Variants in FRMD4B observed in about 807,000 individuals in gnomAD.
FRMD4B encodes FERM domain-containing protein 4B.
A neutral mutation model predicts 141.5 loss-of-function variants in FRMD4B; 74 were observed. The ratio of observed to expected loss-of-function variants is 0.52; its 90% CI spans 0.43 to 0.63. FRMD4B has a LOEUF of 0.63. Ranked by LOEUF, FRMD4B falls within the 30% of genes least tolerant of loss-of-function variation. The pLI is 0.00. For missense variants in FRMD4B, 1,366 were observed against 1,253.4 expected (o/e 1.09, Z -1.36); for synonymous variants, 506 against 467.9 (o/e 1.08, Z -1.05).
chr3:69,514,876 A>G (rs1157220375), intron 1 of FRMD4B, among the ~76,000 whole-genome samples: 1 of 152,182 alleles, frequency 6.6e-6, no homozygotes, highest in Non-Finnish European at 1.5e-5. Flanking sequence ...TAAAATTCCT[A>G]TGGATTCTCA....
intron 11 of FRMD4B, among the ~76,000 whole-genome samples, chr3:69,206,340 A>G (rs2093024304): frequency 6.6e-6 from 1 of 152,102 alleles, no homozygotes; most frequent in Non-Finnish European, 1.5e-5. Context: ...ACAGAGTGAC[A>G]CTCCATCTCA....
chr3:69,380,920 T>C (rs1305428830), intron 1 of FRMD4B, among the ~76,000 whole-genome samples: 2 of 152,230 alleles, frequency 1.3e-5, no homozygotes, highest in African/African-American at 4.8e-5. Context: ...TTTTTTTCTG[T>C]AATATTCTGT....
chr3:69,364,866 G>GTTAT (rs1559831234), intron 1 of FRMD4B, among the ~76,000 whole-genome samples: 2 of 94,618 alleles, frequency 2.1e-5, no homozygotes, highest in Non-Finnish European at 4.1e-5. Context: ...TTTCTCACTT[G>GTTAT]TTTTTTTAAA....
At chr3:69,222,683 A>T (rs2093208094) in intron 8 of FRMD4B, among the ~76,000 whole-genome samples, 2 of 152,158 alleles carry the variant, frequency 1.3e-5, no homozygotes, top group Non-Finnish European at 2.9e-5. Flanking sequence ...AGGCACGAGT[A>T]TCACTTGAAC....
At chr3:69,364,615 G>A (rs1045726549) in intron 1 of FRMD4B, among the ~76,000 whole-genome samples, 2 of 152,114 alleles carry the variant, frequency 1.3e-5, no homozygotes, top group African/African-American at 4.8e-5. Flanking sequence ...GGCATTAATG[G>A]GATCAGCAGT....
At chr3:69,307,226 A>T (rs1701425893) in intron 3 of FRMD4B, among the ~76,000 whole-genome samples, 1 of 152,110 alleles carries the variant, frequency 6.6e-6, no homozygotes, top group South Asian at 2.1e-4. Context: ...GAACCAAAGG[A>T]GGTAACTGGG....
chr3:69,409,246 C>T (rs1430582242), intron 2 of FRMD4B, among the ~76,000 whole-genome samples: 1 of 152,190 alleles, frequency 6.6e-6, no homozygotes, highest in Non-Finnish European at 1.5e-5. Context: ...AGTCTTTACC[C>T]TAGAGCTAGA....
At chr3:69,251,083 G>A (rs749020168) in intron 5 of FRMD4B, among the ~76,000 whole-genome samples, 1 of 152,144 alleles carries the variant, frequency 6.6e-6, no homozygotes, top group Non-Finnish European at 1.5e-5. Context: ...ACAATGAATG[G>A]TATAGAGGTA....
chr3:69,506,848 CT>C (rs1706604787), intron 1 of FRMD4B, among the ~76,000 whole-genome samples: 1 of 152,124 alleles, frequency 6.6e-6, no homozygotes, highest in Non-Finnish European at 1.5e-5. Flanking sequence ...TGGCATCCTA[CT>C]GTTAAATTCC....
chr3:69,424,280 A>G (rs1705036286), intron 2 of FRMD4B, among the ~76,000 whole-genome samples: 1 of 152,164 alleles, frequency 6.6e-6, no homozygotes. Context: ...ACTACCTCAA[A>G]TAATGAGAAC....
intron 21 of FRMD4B, among the ~76,000 whole-genome samples, chr3:69,179,130 C>T (rs566194383): frequency 6.6e-6 from 1 of 152,144 alleles, no homozygotes; most frequent in South Asian, 2.1e-4. Context: ...CTGATTCCAC[C>T]CCTGTAGTTC....
At chr3:69,331,980 C>T (rs76236314) in intron 1 of FRMD4B, among the ~76,000 whole-genome samples, 2,561 of 152,138 alleles carry the variant, frequency 0.017, 76 homozygotes, top group African/African-American at 0.059. Flanking sequence ...CCCAGCCACT[C>T]GGGATGCTGA....
chr3:69,469,525 T>C (rs1194630320), intron 1 of FRMD4B, among the ~76,000 whole-genome samples: 1 of 152,228 alleles, frequency 6.6e-6, no homozygotes, highest in Admixed American at 6.5e-5. Context: ...TTTATTACCT[T>C]GTGTATGTGA....
At chr3:69,299,332 C>T (rs998226766) in intron 4 of FRMD4B, among the ~76,000 whole-genome samples, 4 of 152,200 alleles carry the variant, frequency 2.6e-5, no homozygotes, top group African/African-American at 9.7e-5. Context: ...TACAGAAGGA[C>T]ACTCATTCCC....
chr3:69,411,372 CA>C (rs1374173446), intron 2 of FRMD4B, among the ~76,000 whole-genome samples: 1 of 152,112 alleles, frequency 6.6e-6, no homozygotes, highest in African/African-American at 2.4e-5. Flanking sequence ...TACAATTAAC[CA>C]CCCACACTTC....
At chr3:69,179,379 T>C (rs961394302) in intron 21 of FRMD4B, among the ~76,000 whole-genome samples, 3 of 152,200 alleles carry the variant, frequency 2.0e-5, no homozygotes, top group African/African-American at 7.2e-5. Flanking sequence ...TGTAGTACTC[T>C]GTCTGTTCTG....
chr3:69,211,023 GAAAAA>G (rs541259572), intron 11 of FRMD4B, among the ~76,000 whole-genome samples: 2 of 85,838 alleles, frequency 2.3e-5, no homozygotes, highest in African/African-American at 9.2e-5. Context: ...ATGCCATCTC[GAAAAA>G]AAAAAAAAAA....
chr3:69,200,690 T>C, intron 11 of FRMD4B: 1 of 1,271,062 alleles, frequency 7.9e-7, no homozygotes, highest in South Asian at 1.3e-5. Flanking sequence ...AAAGAGACCT[T>C]TCTAAAATGG....
intron 7 of FRMD4B, among the ~76,000 whole-genome samples, chr3:69,233,974 T>C (rs1344546452): frequency 6.6e-6 from 1 of 152,132 alleles, no homozygotes. Flanking sequence ...AGGCCAGGCG[T>C]AGTAGCTCAT....
Sources: gnomAD v4.1 joint callset for allele counts (sites outside exome capture counted in the v4.1 genomes callset) on GRCh38, gnomAD v4.1.1 for gene constraint, MANE v1.5 for transcripts, NCBI Gene and HGNC (gene_info 2026-07-23, HGNC 2026-07-21) for gene names.